The following SEMA3E variants were observed in gnomAD, a reference collection of about 807,000 sequenced individuals.
The protein encoded by SEMA3E is semaphorin-3E.
A neutral mutation model predicts 93.6 loss-of-function variants in SEMA3E; 49 were observed. The observed-to-expected ratio is 0.52, with a 90% CI of 0.42 to 0.66. SEMA3E has a LOEUF of 0.66. Ranked by LOEUF, SEMA3E falls within the 30% of genes least tolerant of loss-of-function variation. The probability of loss-of-function intolerance (pLI) is 0.00; values close to 1 mark genes in which losing one functional copy is unlikely to be tolerated. For missense variants in SEMA3E, 906 were observed against 964.8 expected, an observed-to-expected ratio of 0.94 and a Z score of 0.81; for synonymous variants, 363 against 330.7, an observed-to-expected ratio of 1.10 and a Z score of -1.06.
intron 1 of SEMA3E, among the ~76,000 whole-genome samples, chr7:83,512,017 C>G (rs992543641): frequency 2.0e-5 from 3 of 152,052 alleles, no homozygotes; most frequent in Admixed American, 2.0e-4. Flanking sequence ...TATTTCGGTA[C>G]AAGAGATTAA....
chr7:83,376,569 A>G (rs1230661649), intron 16 of SEMA3E, among the ~76,000 whole-genome samples: 1 of 152,006 alleles, frequency 6.6e-6, no homozygotes, highest in Admixed American at 6.6e-5. Flanking sequence ...TGGTTATTAG[A>G]TTACTCAACA....
chr7:83,490,375 T>A, intron 1 of SEMA3E, 101 bp from the exon 2 acceptor site: 1 of 1,110,382 alleles, frequency 9.0e-7, no homozygotes, highest in Non-Finnish European at 1.3e-6. Context: ...TGGAACTGAG[T>A]CATTAACATT....
intron 1 of SEMA3E, among the ~76,000 whole-genome samples, chr7:83,503,270 T>A (rs1272220993): frequency 6.6e-6 from 1 of 152,134 alleles, no homozygotes; most frequent in Non-Finnish European, 1.5e-5. Flanking sequence ...TTATATTTCT[T>A]CTTTTTATCC....
chr7:83,459,159 T>C (rs943564364), intron 4 of SEMA3E, among the ~76,000 whole-genome samples: 1 of 151,836 alleles, frequency 6.6e-6, no homozygotes, highest in Non-Finnish European at 1.5e-5. Flanking sequence ...GTCACACTAT[T>C]GAAACTGTTG....
At chr7:83,632,424 T>C (rs539023843) in intron 1 of SEMA3E, among the ~76,000 whole-genome samples, 2 of 151,900 alleles carry the variant, frequency 1.3e-5, no homozygotes, top group Non-Finnish European at 2.9e-5. Context: ...CAGTGGGAGG[T>C]AATTGAATCA....
chr7:83,460,796 G>T (rs188492192), intron 4 of SEMA3E, among the ~76,000 whole-genome samples: 12 of 140,946 alleles, frequency 8.5e-5, no homozygotes, highest in Non-Finnish European at 6.1e-5. Flanking sequence ...CCTTATTTCC[G>T]CACCCCGACC....
intron 11 of SEMA3E, among the ~76,000 whole-genome samples, chr7:83,397,170 A>G (rs943460321): frequency 2.0e-5 from 3 of 152,218 alleles, no homozygotes; most frequent in Admixed American, 2.0e-4. Context: ...GTTTAAAATA[A>G]TATGATTACT....
Position 83,461,784 on chromosome 7 carries a change from G to A in SEMA3E, c.456+4698C>T, listed in dbSNP as rs949046258. 4.6e-5 allele frequency among the ~76,000 whole-genome samples: 7 copies of A among 152,012 alleles called. No individual in the cohort carries two copies. The East Asian group carries it at 7.7e-4, about 17-fold the overall frequency. ...CCCACAACAGGATTTAATTAACCTC[G>A]CCTTCAAGGTGTACAATAGAAAAAA... is the stretch of plus-strand genomic sequence containing the variant. On this transcript the variant is annotated intron_variant, in intron 4 of 16. Coordinates refer to ENST00000643230, the MANE Select transcript of SEMA3E (RefSeq NM_012431.3).
chr7:83,473,624 A>C (rs766421737), intron 2 of SEMA3E, among the ~76,000 whole-genome samples: 3 of 152,322 alleles, frequency 2.0e-5, no homozygotes, highest in Middle Eastern at 3.4e-3. Flanking sequence ...GATTTCCCTA[A>C]AAATATGATG....
chr7:83,405,828 C>T, intron 8 of SEMA3E, 117 bp downstream of exon 8: 2 of 825,996 alleles, frequency 2.4e-6, no homozygotes. Context: ...CAGAAACTTG[C>T]TCTATGTTAG....
At chr7:83,526,003 T>C (rs57672014) in intron 1 of SEMA3E, among the ~76,000 whole-genome samples, 79,935 of 151,534 alleles carry the variant, frequency 0.53, 23,439 homozygotes, top group Middle Eastern at 0.7. Context: ...TTTAGACTAG[T>C]CAGATTCCTC....
intron 1 of SEMA3E, among the ~76,000 whole-genome samples, chr7:83,559,183 A>G (rs189981916): frequency 1.3e-5 from 2 of 152,206 alleles, no homozygotes; most frequent in Admixed American, 6.5e-5. Context: ...GCAGGAGTTC[A>G]ACAAAGCTAC....
chr7:83,389,013 T>A (rs1432762511), intron 14 of SEMA3E, among the ~76,000 whole-genome samples: 1 of 150,514 alleles, frequency 6.6e-6, no homozygotes, highest in Non-Finnish European at 1.5e-5. Context: ...TTAGTTTTAG[T>A]TTTTTTTTAA....
At position 83,405,928 on chromosome 7, in the gene SEMA3E, C is replaced by T. The variant is rs1377475632; in HGVS notation, c.928+17G>A. ...TATACATAAAAGAGCAAATTTAATT[C>T]ACCTAAAAACATTTACCTAATTCAT... On this transcript the variant is annotated intron_variant, in intron 8 of 16. Coordinates refer to ENST00000643230, the MANE Select transcript of SEMA3E (RefSeq NM_012431.3). The T allele has an allele frequency of 1.3e-6, 2 of 1,555,826 alleles. No individual in the cohort carries two copies. Among genetic ancestry groups the T allele is most frequent in the East Asian group, 2.2e-5 (1 of 44,562 alleles).
chr7:83,448,960 T>C (rs535173351), intron 4 of SEMA3E, among the ~76,000 whole-genome samples: 63 of 152,172 alleles, frequency 4.1e-4, no homozygotes, highest in Non-Finnish European at 7.5e-4. Context: ...AGCTCAAAGA[T>C]AGAAAAGTTA....
intron 1 of SEMA3E, among the ~76,000 whole-genome samples, chr7:83,527,180 A>G (rs1791178926): frequency 8.7e-6 from 1 of 114,852 alleles, no homozygotes; most frequent in South Asian, 3.4e-4. Flanking sequence ...TGAGCTAAGA[A>G]GTGGGGGGGA....
intron 1 of SEMA3E, among the ~76,000 whole-genome samples, chr7:83,561,868 A>C (rs1487903974): frequency 2.0e-5 from 3 of 152,182 alleles, no homozygotes; most frequent in African/African-American, 7.2e-5. Context: ...GATGAGTGTG[A>C]AAGTATACTA....
At chr7:83,529,139 T>C (rs1791230641) in intron 1 of SEMA3E, among the ~76,000 whole-genome samples, 1 of 152,124 alleles carries the variant, frequency 6.6e-6, no homozygotes, top group Non-Finnish European at 1.5e-5. Flanking sequence ...AATTTACAAC[T>C]ACCAGGAGAA....
chr7:83,606,630 G>T (rs888275219), intron 1 of SEMA3E, among the ~76,000 whole-genome samples: 5 of 128,078 alleles, frequency 3.9e-5, no homozygotes, highest in African/African-American at 8.8e-5. Flanking sequence ...GGGGAGGGGG[G>T]AGGGATAGCA....
Sources: gnomAD v4.1 joint callset for allele counts (sites outside exome capture counted in the v4.1 genomes callset) on GRCh38, gnomAD v4.1.1 for gene constraint, MANE v1.5 for transcripts, NCBI Gene and HGNC (gene_info 2026-07-23, HGNC 2026-07-21) for gene names.